Variants in DIPK1A observed in about 807,000 individuals in gnomAD.
DIPK1A encodes divergent protein kinase domain 1A.
In DIPK1A, 27 loss-of-function variants were observed where a neutral mutation model predicts 40.8. The ratio of observed to expected loss-of-function variants is 0.66; its 90% confidence interval spans 0.49 to 0.91. DIPK1A has a LOEUF of 0.91. DIPK1A is among the 40% of genes least tolerant of loss of function. The pLI, the probability that DIPK1A is intolerant of heterozygous loss-of-function variation, is 0.00. For missense variants in DIPK1A, 412 were observed against 505.7 expected (o/e 0.81, Z 1.78); for synonymous variants, 166 against 171.3 (o/e 0.97, Z 0.24).
intron 1 of DIPK1A, among the ~76,000 whole-genome samples, chr1:92,937,790 G>A (rs1381423685): frequency 6.6e-6 from 1 of 151,942 alleles, no homozygotes; most frequent in African/African-American, 2.4e-5. Context: ...CAATATTCAT[G>A]TTATACTTTA....
At chr1:92,951,410 A>G (rs189083479) in intron 1 of DIPK1A, among the ~76,000 whole-genome samples, 1 of 152,318 alleles carries the variant, frequency 6.6e-6, no homozygotes, top group Admixed American at 6.5e-5. Context: ...TGACAACTGG[A>G]AAGAATCTGG....
At chr1:92,941,736 A>T (rs1434917961) in intron 1 of DIPK1A, among the ~76,000 whole-genome samples, 1 of 152,244 alleles carries the variant, frequency 6.6e-6, no homozygotes, top group Non-Finnish European at 1.5e-5. Context: ...ATTCTCTGGC[A>T]GAGCAATGTT....
intron 4 of DIPK1A, chr1:92,834,673 G>T (rs927654563): frequency 1.4e-6 from 2 of 1,465,964 alleles, no homozygotes; most frequent in African/African-American, 1.4e-5. Context: ...TTTAAGTGAT[G>T]TTCATCTGTG....
chr1:92,846,641 T>C (rs1342907089), intron 4 of DIPK1A: 5 of 406,352 alleles, frequency 1.2e-5, no homozygotes, highest in African/African-American at 6.9e-5. Flanking sequence ...TTTTCTTTTT[T>C]TTTTTGAAAC....
At chr1:92,844,940 C>CTTTTTTT (rs71094206) in intron 4 of DIPK1A, among the ~76,000 whole-genome samples, 3 of 94,078 alleles carry the variant, frequency 3.2e-5, no homozygotes, top group African/African-American at 4.3e-5. Flanking sequence ...ATTAGTATTT[C>CTTTTTTT]TTTTTTTTTT....
At chr1:92,903,218 G>C (rs1649488177) in intron 1 of DIPK1A, among the ~76,000 whole-genome samples, 1 of 151,964 alleles carries the variant, frequency 6.6e-6, no homozygotes, top group Admixed American at 6.6e-5. Flanking sequence ...GCTAATTTTT[G>C]TATTTTTTGT....
chr1:92,849,062 G>A (rs1687722998), intron 3 of DIPK1A, among the ~76,000 whole-genome samples: 1 of 152,082 alleles, frequency 6.6e-6, no homozygotes, highest in East Asian at 1.9e-4. Flanking sequence ...GTTCTTTTGT[G>A]ATTTAGTTCA....
chr1:92,833,129 C>T, intron 4 of DIPK1A: 2 of 674,422 alleles, frequency 3.0e-6, no homozygotes, highest in Non-Finnish European at 5.4e-6. Flanking sequence ...TAAATTGGGG[C>T]CTGCATTTTG....
chr1:92,837,235 T>A (rs1687165201), downstream of DIPK1A: 1 of 729,172 alleles, frequency 1.4e-6, no homozygotes, highest in Admixed American at 1.8e-5. Flanking sequence ...TAATGGCTTT[T>A]AAAGGTTTTT....
chr1:92,918,337 T>C (rs559639230), intron 1 of DIPK1A, among the ~76,000 whole-genome samples: 1 of 152,194 alleles, frequency 6.6e-6, no homozygotes, highest in South Asian at 2.1e-4. Flanking sequence ...TCTGTAGAGA[T>C]AGAGTTTCAT....
At chr1:92,832,742 T>C (rs745722084) in exon 5 of DIPK1A, 5 of 447,954 alleles carry the variant, frequency 1.1e-5, no homozygotes, top group Non-Finnish European at 2.0e-5. Context: ...TTTTTAATTA[T>C]TGGGGTAGGG....
intron 4 of DIPK1A, chr1:92,834,716 A>C (rs1390187782): frequency 6.3e-7 from 1 of 1,598,964 alleles, no homozygotes; most frequent in Non-Finnish European, 8.6e-7. Context: ...CTTGAAAAAT[A>C]ATTAAGATGT....
At chr1:92,871,977 C>G (rs931298007) in intron 2 of DIPK1A, among the ~76,000 whole-genome samples, 11 of 151,452 alleles carry the variant, frequency 7.3e-5, no homozygotes, top group African/African-American at 2.4e-4. Flanking sequence ...GGTATGTATA[C>G]CCAGAAGTGG....
intron 1 of DIPK1A, among the ~76,000 whole-genome samples, chr1:92,924,432 C>T (rs538113379): frequency 2.8e-4 from 42 of 151,836 alleles, no homozygotes; most frequent in African/African-American, 9.9e-4. Flanking sequence ...CTGTTCAGGG[C>T]GCCACTATAT....
At chr1:92,929,802 G>A (rs1184068726) in intron 1 of DIPK1A, among the ~76,000 whole-genome samples, 1 of 152,152 alleles carries the variant, frequency 6.6e-6, no homozygotes, top group Non-Finnish European at 1.5e-5. Flanking sequence ...CTCACACTGG[G>A]TGAATTTTTT....
chr1:92,896,709 G>A (rs1649182070), intron 1 of DIPK1A, among the ~76,000 whole-genome samples: 1 of 152,064 alleles, frequency 6.6e-6, no homozygotes, highest in South Asian at 2.1e-4. Context: ...CCATCAGAGT[G>A]AACAGGCAAC....
chr1:92,836,446 T>A, intron 4 of DIPK1A: 1 of 1,503,494 alleles, frequency 6.7e-7, no homozygotes, highest in East Asian at 2.3e-5. Context: ...TCCCTGTTTT[T>A]AACTAGTTGG....
intron 4 of DIPK1A, chr1:92,833,759 C>T (rs1320805793): frequency 2.2e-6 from 2 of 888,972 alleles, no homozygotes; most frequent in Non-Finnish European, 1.8e-6. Flanking sequence ...CTGTCTAGCA[C>T]CTCCAAAAGC....
chr1:92,900,090 G>A (rs1181269906), intron 1 of DIPK1A, among the ~76,000 whole-genome samples: 1 of 152,102 alleles, frequency 6.6e-6, no homozygotes. Flanking sequence ...ACTGTAATGT[G>A]CCTCAGGAAG....
Sources: gnomAD v4.1 joint callset for allele counts (sites outside exome capture counted in the v4.1 genomes callset) on GRCh38, gnomAD v4.1.1 for gene constraint, MANE v1.5 for transcripts, NCBI Gene and HGNC (gene_info 2026-07-23, HGNC 2026-07-21) for gene names.